HS3ST3A1: variants seen among roughly 807,000 people sequenced by gnomAD.
HS3ST3A1 encodes the protein heparan sulfate glucosamine 3-O-sulfotransferase 3A1.
HS3ST3A1 carries 19 observed loss-of-function variants against 25.7 expected under a neutral mutation model. The ratio of observed to expected loss-of-function variants is 0.74; its 90% CI spans 0.52 to 1.08. HS3ST3A1 has a LOEUF of 1.08. Ranked by LOEUF, HS3ST3A1 falls within the 50% of genes least tolerant of loss-of-function variation. The pLI is 0.00. For missense variants in HS3ST3A1, 459 were observed against 594.3 expected (o/e 0.77, Z 2.37); for synonymous variants, 226 against 278.6 (o/e 0.81, Z 1.88).
chr17:13,526,878 C>T (rs1273092213), intron 1 of HS3ST3A1, among the ~76,000 whole-genome samples: 1 of 152,002 alleles, frequency 6.6e-6, no homozygotes, highest in Non-Finnish European at 1.5e-5. Context: ...GTCTCGAACT[C>T]CCGACCTCAG....
rs548680998 is a variant in HS3ST3A1, at chr17:13,567,984, A to C, written c.599+32547T>G. 4.6e-5 allele frequency among the ~76,000 whole-genome samples: 7 copies of C among 152,352 alleles called. No homozygotes were observed. In the East Asian group the frequency reaches 7.7e-4, roughly 17 times the overall value. ...GTTCGACTGGAGGTAAAATGCTATC[A>C]AACAGCAGCATCGCATGCTGCAGAG... On this transcript the variant is annotated intron_variant, in intron 1 of 1. Transcript: ENST00000284110.
chr17:13,585,953 A>G (rs952203099), intron 1 of HS3ST3A1, among the ~76,000 whole-genome samples: 1 of 147,570 alleles, frequency 6.8e-6, no homozygotes, highest in Non-Finnish European at 1.5e-5. Context: ...AGGTTCAAGC[A>G]ATTCCCCTAC....
intron 1 of HS3ST3A1, among the ~76,000 whole-genome samples, chr17:13,508,174 A>T (rs892320826): frequency 6.6e-6 from 1 of 152,108 alleles, no homozygotes; most frequent in African/African-American, 2.4e-5. Context: ...TTGATAGCAG[A>T]CTCCTTTTAA....
intron 1 of HS3ST3A1, among the ~76,000 whole-genome samples, chr17:13,589,884 G>A (rs941016219): frequency 5.3e-5 from 8 of 152,244 alleles, no homozygotes; most frequent in African/African-American, 1.9e-4. Flanking sequence ...TTAAATACCT[G>A]AACTTAATGA....
intron 1 of HS3ST3A1, among the ~76,000 whole-genome samples, chr17:13,558,877 C>T (rs1162041319): frequency 6.6e-6 from 1 of 152,136 alleles, no homozygotes; most frequent in Non-Finnish European, 1.5e-5. Context: ...AAAAAAACCA[C>T]AATGCTACTG....
chr17:13,521,608 C>T lies in HS3ST3A1; in HGVS notation c.600-24790G>A, dbSNP rs192660271. On this transcript the variant is annotated intron_variant, in intron 1 of 1. Coordinates refer to ENST00000284110, the MANE Select transcript of HS3ST3A1 (RefSeq NM_006042.3). ...ACCTCAACGTGCCCTGCATGGCCTTCAAGGTCTCACAAGTTGATATAAACT... is the reference window on the plus strand; with the variant it reads ...ACCTCAACGTGCCCTGCATGGCCTTTAAGGTCTCACAAGTTGATATAAACT... 2.0e-5 allele frequency among the ~76,000 whole-genome samples: 3 copies of T among 152,288 alleles called. No homozygotes were observed. In the East Asian group the frequency reaches 5.8e-4, roughly 29 times the overall value.
intron 1 of HS3ST3A1, among the ~76,000 whole-genome samples, chr17:13,503,549 G>A (rs1853587812): frequency 6.6e-6 from 1 of 152,176 alleles, no homozygotes; most frequent in African/African-American, 2.4e-5. Flanking sequence ...CCGTAAGTAT[G>A]TATAATTATT....
At chr17:13,533,392 C>T (rs1471260989) in intron 1 of HS3ST3A1, among the ~76,000 whole-genome samples, 1 of 151,748 alleles carries the variant, frequency 6.6e-6, no homozygotes, top group African/African-American at 2.4e-5. Context: ...ATGTCATCGT[C>T]CTAAGTCTTG....
chr17:13,542,679 A>G (rs918632334), intron 1 of HS3ST3A1, among the ~76,000 whole-genome samples: 2 of 152,034 alleles, frequency 1.3e-5, no homozygotes. Context: ...TTCCTGGCTC[A>G]TCATTCCCAA....
intron 1 of HS3ST3A1, among the ~76,000 whole-genome samples, chr17:13,518,399 G>A (rs1218321061): frequency 6.6e-6 from 1 of 152,146 alleles, no homozygotes; most frequent in East Asian, 1.9e-4. Flanking sequence ...TACAAAACAA[G>A]TCATAAAACA....
intron 1 of HS3ST3A1, among the ~76,000 whole-genome samples, chr17:13,581,903 G>A (rs1038574399): frequency 5.3e-5 from 8 of 152,048 alleles, no homozygotes; most frequent in African/African-American, 1.4e-4. Context: ...CCAGGGGGTC[G>A]CCCTTTAACT....
At chr17:13,516,135 C>T (rs1033582523) in intron 1 of HS3ST3A1, among the ~76,000 whole-genome samples, 6 of 151,988 alleles carry the variant, frequency 3.9e-5, no homozygotes, top group Non-Finnish European at 7.4e-5. Context: ...ATGGAGAAAG[C>T]CCGTTGCTAC....
chr17:13,567,395 T>A lies in HS3ST3A1; in HGVS notation c.599+33136A>T, dbSNP rs181005990. Reference sequence around the variant, plus strand: ...GTTTTTTATAACTGCTAATACAATATCCATTCTGTAGCCCACAGGACAAAG... The same window carrying A: ...GTTTTTTATAACTGCTAATACAATAACCATTCTGTAGCCCACAGGACAAAG... On this transcript the variant is annotated intron_variant, in intron 1 of 1. Transcript: ENST00000284110. 8.5e-5 allele frequency among the ~76,000 whole-genome samples: 13 copies of A among 152,334 alleles called. No homozygotes were observed. In the East Asian group the frequency reaches 2.3e-3, roughly 27 times the overall value.
intron 1 of HS3ST3A1, among the ~76,000 whole-genome samples, chr17:13,537,825 T>C (rs943150607): frequency 1.3e-5 from 2 of 152,228 alleles, no homozygotes; most frequent in African/African-American, 4.8e-5. Flanking sequence ...CAAAGCATTT[T>C]CCTACAGTTC....
At chr17:13,566,463 G>T (rs541638191) in intron 1 of HS3ST3A1, among the ~76,000 whole-genome samples, 19 of 152,244 alleles carry the variant, frequency 1.2e-4, no homozygotes, top group Admixed American at 4.6e-4. Context: ...CGTTATAAAT[G>T]TTCAAGGGAA....
chr17:13,600,993 CA>C lies in HS3ST3A1; in HGVS notation c.136del (p.Cys46AlafsTer115). ...CACGACGGGGCCGGACAGGGTCTGG[CA>C]GCGCTCGGCCAGGCAGTAGAAGACG... ...LYVFYCLAER[C>X]QTLSGPVVGL... On this transcript the variant is annotated frameshift_variant, in exon 1 of 2. Transcript: ENST00000284110. LOFTEE classifies it high-confidence loss of function. 1 of 1,573,298 alleles carries C rather than the reference CA, an allele frequency of 6.4e-7. No individual in the cohort carries two copies. Among genetic ancestry groups the C allele is most frequent in the Non-Finnish European group, 8.6e-7 (1 of 1,159,618 alleles).
intron 1 of HS3ST3A1, among the ~76,000 whole-genome samples, chr17:13,576,655 A>T (rs775244819): frequency 1.3e-5 from 2 of 152,242 alleles, no homozygotes; most frequent in Non-Finnish European, 2.9e-5. Context: ...AGATCACCAC[A>T]GCGGTGTTAA....
At chr17:13,499,480 C>T (rs1236102636) in intron 1 of HS3ST3A1, among the ~76,000 whole-genome samples, 5 of 152,084 alleles carry the variant, frequency 3.3e-5, no homozygotes, top group Non-Finnish European at 5.9e-5. Context: ...TCATTACTTT[C>T]TCTTTTTTTC....
chr17:13,502,357 C>T (rs1905507208), intron 1 of HS3ST3A1, among the ~76,000 whole-genome samples: 1 of 152,168 alleles, frequency 6.6e-6, no homozygotes, highest in African/African-American at 2.4e-5. Flanking sequence ...TAACGATGGT[C>T]CAAGAGGCAA....
Sources: allele counts gnomAD v4.1 joint callset (sites outside exome capture counted in the v4.1 genomes callset), GRCh38; gene constraint gnomAD v4.1.1; transcripts MANE v1.5; gene names NCBI Gene and HGNC (gene_info 2026-07-23, HGNC 2026-07-21).